Variants in DTNA observed in about 807,000 individuals in gnomAD.
The protein encoded by DTNA is dystrophin-related protein 3.
Under a neutral mutation model 100.7 loss-of-function variants are expected in DTNA, and 43 were observed. That is an observed-to-expected ratio of 0.43 (90% CI 0.33 to 0.55). The LOEUF (loss-of-function observed/expected upper bound fraction) is 0.55, where lower values mean the gene tolerates loss of function less well. Among genes scored for constraint, DTNA ranks in the 20% least tolerant of loss-of-function variants. The pLI is 0.04. For missense variants in DTNA, 798 were observed against 953.9 expected (o/e 0.84, Z 2.15); for synonymous variants, 349 against 347.9 (o/e 1.00, Z -0.04).
chr18:34,864,370 C>T (rs1204145611), intron 17 of DTNA, among the ~76,000 whole-genome samples: 4 of 151,794 alleles, frequency 2.6e-5, no homozygotes, highest in African/African-American at 7.3e-5. Context: ...CCTGCCTCAG[C>T]CCCCCGCCGA....
At chr18:34,757,432 A>T (rs2092853477) in intron 2 of DTNA, 1 of 152,178 alleles carries the variant, frequency 6.6e-6, no homozygotes, top group African/African-American at 2.4e-5. Flanking sequence ...TAGAAAAAAA[A>T]TATTTACCAT....
At chr18:34,594,762 CA>C (rs1303441449) in intron 1 of DTNA, among the ~76,000 whole-genome samples, 1 of 152,130 alleles carries the variant, frequency 6.6e-6, no homozygotes, top group East Asian at 1.9e-4. Context: ...GTGAAGTTGG[CA>C]GAGCTCAGTT....
At chr18:34,705,808 G>A (rs1416110613), upstream of DTNA, among the ~76,000 whole-genome samples, 1 of 151,938 alleles carries the variant, frequency 6.6e-6, no homozygotes, top group Non-Finnish European at 1.5e-5. Context: ...TAGCAGTAAG[G>A]GATAGTTAAA....
chr18:34,556,560 G>A (rs2046077635), intron 1 of DTNA, among the ~76,000 whole-genome samples: 1 of 151,952 alleles, frequency 6.6e-6, no homozygotes, highest in Admixed American at 6.5e-5. Flanking sequence ...TTTTAGGGCA[G>A]GCCTGGTGGT....
chr18:34,563,000 C>G (rs1193096660), intron 1 of DTNA, among the ~76,000 whole-genome samples: 1 of 152,148 alleles, frequency 6.6e-6, no homozygotes, highest in Non-Finnish European at 1.5e-5. Context: ...GAGAATTTAC[C>G]TAATGAGTTA....
chr18:34,646,351 C>T (rs1177934047), intron 1 of DTNA, among the ~76,000 whole-genome samples: 1 of 152,134 alleles, frequency 6.6e-6, no homozygotes, highest in East Asian at 1.9e-4. Context: ...TAGGACGATA[C>T]AGCTCATACA....
intron 15 of DTNA, among the ~76,000 whole-genome samples, chr18:34,855,267 C>T (rs1263273865): frequency 2.6e-5 from 4 of 152,146 alleles, no homozygotes; most frequent in Non-Finnish European, 5.9e-5. Flanking sequence ...TTATGATGGA[C>T]AGCAGTGGTC....
Position 34,815,972 on chromosome 18 carries a change from G to A in DTNA, c.667G>A (p.Val223Ile), listed in dbSNP as rs773920773. The A allele has an allele frequency of 6.2e-7, 1 of 1,613,858 alleles. No homozygotes were observed. Among genetic ancestry groups the A allele is most frequent in the South Asian group, 1.1e-5 (1 of 91,076 alleles). The change falls in exon 7 of 23, where the codon GTC (valine) becomes ATC (isoleucine). Residue 223 changes from valine (V) to isoleucine (I), a missense_variant. Physicochemically the swap from Val to Ile is conservative, Grantham distance 29 (BLOSUM62 3). Transcript: ENST00000444659. ...LMSDPPPQCLVWLPLLHRLAN... is the reference protein window; with the variant it reads ...LMSDPPPQCLIWLPLLHRLAN... Reference sequence around the variant, plus strand: ...GTCAGATCCTCCCCCGCAGTGTCTGGTCTGGTTGCCTCTTCTGCATCGACT... The same window carrying A: ...GTCAGATCCTCCCCCGCAGTGTCTGATCTGGTTGCCTCTTCTGCATCGACT...
At chr18:34,606,253 A>G (rs996203062) in intron 1 of DTNA, among the ~76,000 whole-genome samples, 2 of 152,192 alleles carry the variant, frequency 1.3e-5, no homozygotes, top group Non-Finnish European at 2.9e-5. Flanking sequence ...CAACTTCAGT[A>G]TAGCAAATTT....
chr18:34,616,352 G>A (rs543179806), intron 1 of DTNA, among the ~76,000 whole-genome samples: 4 of 152,274 alleles, frequency 2.6e-5, no homozygotes, highest in East Asian at 1.9e-4. Context: ...AACAAAAATT[G>A]ACAAATGGGA....
chr18:34,884,806 T>A, intron 22 of DTNA, 30 bp downstream of exon 22: 1 of 1,609,550 alleles, frequency 6.2e-7, no homozygotes, highest in Non-Finnish European at 8.5e-7. Context: ...GGAGGAATCA[T>A]GGCCACTGTA....
chr18:34,496,477 C>T (rs775508064), intron 1 of DTNA, among the ~76,000 whole-genome samples: 2 of 152,164 alleles, frequency 1.3e-5, no homozygotes, highest in African/African-American at 4.8e-5. Context: ...ATTTTAGAGA[C>T]AGCTTGCTAC....
At position 34,855,824 on chromosome 18, in the gene DTNA, C is replaced by T. The variant is rs531732149; in HGVS notation, c.1533-2461C>T. 3.3e-5 allele frequency among the ~76,000 whole-genome samples: 5 copies of T among 152,314 alleles called. No individual in the cohort carries two copies. The South Asian group carries it at 6.2e-4, about 19-fold the overall frequency. On this transcript the variant is annotated intron_variant, in intron 15 of 22. Coordinates refer to ENST00000444659, the MANE Select transcript of DTNA (RefSeq NM_001386795.1). ...TAATTAACCTACTCTTCCACTTCTTCAGAGCACTTTGTTTTCCCTTCCAAT... is the reference window on the plus strand; with the variant it reads ...TAATTAACCTACTCTTCCACTTCTTTAGAGCACTTTGTTTTCCCTTCCAAT...
intron 1 of DTNA, among the ~76,000 whole-genome samples, chr18:34,510,163 A>G (rs1160209484): frequency 6.6e-6 from 1 of 150,836 alleles, no homozygotes; most frequent in Non-Finnish European, 1.5e-5. Context: ...AAGGTGACAG[A>G]TATCAGCGTT....
At chr18:34,872,007 ATGG>A (rs2096770420) in intron 17 of DTNA, among the ~76,000 whole-genome samples, 1 of 152,262 alleles carries the variant, frequency 6.6e-6, no homozygotes, top group Admixed American at 6.5e-5. Flanking sequence ...CCTTTGGGAA[ATGG>A]TGGCTATTCA....
chr18:34,788,934 C>A (rs1602047180), intron 3 of DTNA, among the ~76,000 whole-genome samples: 1 of 152,132 alleles, frequency 6.6e-6, no homozygotes, highest in Non-Finnish European at 1.5e-5. Flanking sequence ...TAGCTCATTT[C>A]TTGATCATCT....
chr18:34,532,474 G>C (rs1467288046), intron 1 of DTNA, among the ~76,000 whole-genome samples: 1 of 152,092 alleles, frequency 6.6e-6, no homozygotes, highest in Non-Finnish European at 1.5e-5. Flanking sequence ...TGGAATGCCA[G>C]ATTGCAACTG....
At chr18:34,658,116 G>T (rs2074650952) in intron 1 of DTNA, among the ~76,000 whole-genome samples, 1 of 152,138 alleles carries the variant, frequency 6.6e-6, no homozygotes, top group African/African-American at 2.4e-5. Context: ...GAAGCTGACT[G>T]ATGAAACTGA....
chr18:34,734,421 C>A (rs2089070956), intron 1 of DTNA, among the ~76,000 whole-genome samples: 1 of 152,180 alleles, frequency 6.6e-6, no homozygotes, highest in Admixed American at 6.5e-5. Flanking sequence ...ATCCCCATTC[C>A]AAGTTGCAGG....
Sources: allele counts gnomAD v4.1 joint callset (sites outside exome capture counted in the v4.1 genomes callset), GRCh38; gene constraint gnomAD v4.1.1; transcripts MANE v1.5; gene names NCBI Gene and HGNC (gene_info 2026-07-23, HGNC 2026-07-21).